PDZD8: variants seen among roughly 807,000 people sequenced by gnomAD.
The protein encoded by PDZD8 is PDZ domain containing 8.
PDZD8 carries 14 observed loss-of-function variants against 85.8 expected under a neutral mutation model. The observed-to-expected ratio is 0.16, with a 90% CI of 0.11 to 0.26. The LOEUF (loss-of-function observed/expected upper bound fraction) is 0.26. Among genes scored for constraint, PDZD8 ranks in the 10% least tolerant of loss-of-function variants. PDZD8 has a pLI of 1.00. For missense variants in PDZD8, 1,197 were observed against 1,424.3 expected (o/e 0.84, Z 2.57); for synonymous variants, 592 against 568.6 (o/e 1.04, Z -0.59).
At chr10:117,338,247 T>C (rs1313448319) in intron 2 of PDZD8, among the ~76,000 whole-genome samples, 2 of 152,188 alleles carry the variant, frequency 1.3e-5, no homozygotes, top group East Asian at 3.9e-4. Flanking sequence ...CTTGCCTTCA[T>C]ACACAAATAA....
At chr10:117,371,992 A>C (rs1012311745) in intron 1 of PDZD8, among the ~76,000 whole-genome samples, 1 of 152,170 alleles carries the variant, frequency 6.6e-6, no homozygotes, top group African/African-American at 2.4e-5. Flanking sequence ...AGCTAATTCA[A>C]TTCTCACTAG....
Position 117,374,248 on chromosome 10 carries a change from A to G in PDZD8, c.872+108T>C. 6.7e-7 allele frequency: 1 copy of G among 1,495,694 alleles called. No individual in the cohort carries two copies. Among genetic ancestry groups the G allele is most frequent in the Non-Finnish European group, 9.0e-7 (1 of 1,114,732 alleles). The allele number at this position is 1,495,694 out of a possible 1,614,324, so 92.7% of individuals were successfully genotyped here. Reference sequence around the variant, plus strand: ...CCTGTCCAGGGTGGGAAGGCCCCAGAAGCAGGCGCCAGGACAGAAATGAGC... The same window carrying G: ...CCTGTCCAGGGTGGGAAGGCCCCAGGAGCAGGCGCCAGGACAGAAATGAGC... On this transcript the variant is annotated intron_variant, in intron 1 of 4. Transcript: ENST00000334464. This position sits in a 1 kb window ranked among gnomAD's most constrained non-coding sequence, Gnocchi z 7.8.
intron 1 of PDZD8, among the ~76,000 whole-genome samples, chr10:117,367,451 C>G (rs1025669734): frequency 4.0e-5 from 6 of 149,982 alleles, no homozygotes; most frequent in Non-Finnish European, 7.4e-5. Context: ...ATAGCCTCCT[C>G]AAAATGACTA....
chr10:117,326,476 A>C (rs1476693984), intron 2 of PDZD8, among the ~76,000 whole-genome samples: 2 of 152,214 alleles, frequency 1.3e-5, no homozygotes, highest in African/African-American at 4.8e-5. Context: ...CACCTCTCTT[A>C]ATGCCTTGCT....
chr10:117,371,703 G>A (rs1436532737), intron 1 of PDZD8, among the ~76,000 whole-genome samples: 4 of 152,204 alleles, frequency 2.6e-5, no homozygotes, highest in Non-Finnish European at 5.9e-5. Flanking sequence ...GGGAGGCTGA[G>A]GTGGGAGGAT....
rs1275725002 is a variant in PDZD8, at chr10:117,284,411, C to CA, written c.2321dup (p.Ser775GlufsTer8). 1 of 1,614,014 alleles carries CA rather than the reference C, an allele frequency of 6.2e-7. No individual in the cohort carries two copies. The highest frequency in any genetic ancestry group is 8.5e-7 in the Non-Finnish European group (1 of 1,180,024). On this transcript the variant is annotated frameshift_variant, in exon 5 of 5. Coordinates refer to ENST00000334464, the MANE Select transcript of PDZD8 (RefSeq NM_173791.5). LOFTEE classifies it high-confidence loss of function. ...TGTCATTGAATCCCTTTTGCATACT[C>CA]AGATTGCGTAGTGCGGTTCTAGTGA...
chr10:117,369,221 T>A (rs1049495399), intron 1 of PDZD8, among the ~76,000 whole-genome samples: 1 of 152,192 alleles, frequency 6.6e-6, no homozygotes. Context: ...TGCAGTGGTA[T>A]GATCTCGGCT....
At chr10:117,351,349 A>G (rs6585431) in intron 1 of PDZD8, among the ~76,000 whole-genome samples, 35,205 of 152,202 alleles carry the variant, frequency 0.23, 4,740 homozygotes, top group East Asian at 0.44. Flanking sequence ...AACATGGATT[A>G]ATCTCACAAA....
At chr10:117,289,459 A>G (rs1241943807) in intron 4 of PDZD8, among the ~76,000 whole-genome samples, 1 of 152,236 alleles carries the variant, frequency 6.6e-6, no homozygotes, top group Non-Finnish European at 1.5e-5. Context: ...CAACAAGCCT[A>G]GAATAGATGG....
chr10:117,320,793 T>A (rs1406041520), intron 2 of PDZD8, among the ~76,000 whole-genome samples: 1 of 152,076 alleles, frequency 6.6e-6, no homozygotes, highest in African/African-American at 2.4e-5. Flanking sequence ...CCAAAAAACA[T>A]ATAAATTCTT....
At chr10:117,364,949 A>G (rs79854358) in intron 1 of PDZD8, among the ~76,000 whole-genome samples, 3,863 of 152,054 alleles carry the variant, frequency 0.025, 163 homozygotes, top group African/African-American at 0.088. Flanking sequence ...GAAGGTAAGA[A>G]GAGGAAGAGA....
At chr10:117,296,034 T>C (rs1054934169) in intron 3 of PDZD8, among the ~76,000 whole-genome samples, 12 of 150,824 alleles carry the variant, frequency 8.0e-5, no homozygotes, top group Non-Finnish European at 7.4e-5. Flanking sequence ...GAAAAAACTC[T>C]GTCTTTATTT....
At chr10:117,347,107 A>C (rs1729080274) in intron 1 of PDZD8, among the ~76,000 whole-genome samples, 1 of 151,970 alleles carries the variant, frequency 6.6e-6, no homozygotes, top group Non-Finnish European at 1.5e-5. Context: ...TTCTCCACCA[A>C]GACCAAGAAC....
chr10:117,357,076 T>A (rs1428700533), intron 1 of PDZD8, among the ~76,000 whole-genome samples: 1 of 152,220 alleles, frequency 6.6e-6, no homozygotes, highest in African/African-American at 2.4e-5. Context: ...AAATACAAGA[T>A]AATGCTTATG....
intron 1 of PDZD8, among the ~76,000 whole-genome samples, chr10:117,350,228 T>TA (rs1276970422): frequency 1.3e-5 from 2 of 151,488 alleles, no homozygotes; most frequent in Non-Finnish European, 2.9e-5. Context: ...AGAATCTAGG[T>TA]AGTCTAGCTC....
Position 117,283,516 on chromosome 10 carries a change from G to T in PDZD8, c.3217C>A (p.Leu1073Ile). 6.2e-7 allele frequency: 1 copy of T among 1,614,200 alleles called. No homozygotes were observed. The highest frequency in any genetic ancestry group is 8.5e-7 in the Non-Finnish European group (1 of 1,180,034). ...ETTDTRKKSL[L>I]SAALAKSGER... is the part of the protein sequence containing the mutation. ...CCTGATTTAGCTAAGGCAGCAGAAAGAAGTGATTTTTTCCTTGTATCAGTT... is the reference window on the plus strand; with the variant it reads ...CCTGATTTAGCTAAGGCAGCAGAAATAAGTGATTTTTTCCTTGTATCAGTT... Residue 1073 changes from leucine to isoleucine, a missense_variant, in exon 5 of 5, where the codon CTT (leucine) becomes ATT (isoleucine). Physicochemically the swap from Leu to Ile is conservative, Grantham distance 5 (BLOSUM62 2). This residue lies in a region of PDZD8 where 418 missense variants were observed against 571.1 expected (regional missense o/e 0.73). Transcript: ENST00000334464.
At chr10:117,296,620 T>C (rs1223580409) in intron 3 of PDZD8, among the ~76,000 whole-genome samples, 2 of 152,034 alleles carry the variant, frequency 1.3e-5, no homozygotes, top group African/African-American at 4.8e-5. Flanking sequence ...GACAGACACA[T>C]GAAATAATGG....
chr10:117,374,769 C>G lies in PDZD8; in HGVS notation c.459G>C (p.Thr153=), dbSNP rs764528938. ...GCCGGATGGTCTTGATGAAGGGCAC[C>G]GTCTCGCCCAGGAACACGTCCCGCA... ...LSLRDVFLGE[T]VPFIKTIRLV... The change falls in exon 1 of 5, where the codon ACG becomes ACC. Residue 153 remains threonine (T), a synonymous_variant. Coordinates refer to ENST00000334464, the MANE Select transcript of PDZD8 (RefSeq NM_173791.5). This position sits in a 1 kb window ranked among gnomAD's most constrained non-coding sequence, Gnocchi z 7.8. 1.2e-6 allele frequency: 2 copies of G among 1,612,964 alleles called. No homozygotes were observed. The highest frequency in any genetic ancestry group is 1.1e-5 in the South Asian group (1 of 91,072).
intron 3 of PDZD8, among the ~76,000 whole-genome samples, chr10:117,301,861 T>C (rs556834727): frequency 1.3e-5 from 2 of 152,250 alleles, no homozygotes; most frequent in Admixed American, 1.3e-4. Context: ...CCCTTTTTCC[T>C]CTAATTCCCT....
Sources: allele counts gnomAD v4.1 joint callset (sites outside exome capture counted in the v4.1 genomes callset), GRCh38; gene constraint gnomAD v4.1.1; regional missense constraint gnomAD v4.1.1; non-coding constraint Gnocchi (gnomAD v3.1); transcripts MANE v1.5; gene names NCBI Gene and HGNC (gene_info 2026-07-23, HGNC 2026-07-21).